The following PDE4D variants were observed in gnomAD, a reference collection of about 807,000 sequenced individuals.
PDE4D encodes 3',5'-cyclic-AMP phosphodiesterase 4D.
Under a neutral mutation model 87.4 loss-of-function variants are expected in PDE4D, and 24 were observed. The ratio of observed to expected loss-of-function variants is 0.27; its 90% CI spans 0.20 to 0.39. The LOEUF (loss-of-function observed/expected upper bound fraction) is 0.39, where lower values mean the gene tolerates loss of function less well. PDE4D is among the 10% of genes least tolerant of loss of function. PDE4D has a pLI of 1.00. For missense variants in PDE4D, 714 were observed against 1,041.0 expected (o/e 0.69, Z 4.32); for synonymous variants, 384 against 383.2 (o/e 1.00, Z -0.02).
chr5:59,630,355 A>G (rs149567656), intron 1 of PDE4D, among the ~76,000 whole-genome samples: 1 of 152,186 alleles, frequency 6.6e-6, no homozygotes, highest in Non-Finnish European at 1.5e-5. Context: ...GGATACATCT[A>G]TTTCTTAAAG....
chr5:60,296,217 A>T (rs1753370705), intron 1 of PDE4D, among the ~76,000 whole-genome samples: 1 of 152,220 alleles, frequency 6.6e-6, no homozygotes. Flanking sequence ...TCTTCTGGGT[A>T]CAATGCTTAC....
At chr5:60,467,208 T>C (rs1411951678) in intron 1 of PDE4D, among the ~76,000 whole-genome samples, 3 of 151,822 alleles carry the variant, frequency 2.0e-5, no homozygotes, top group African/African-American at 7.3e-5. Context: ...CCCAGCTAAT[T>C]TTTGTATTCT....
intron 1 of PDE4D, among the ~76,000 whole-genome samples, chr5:59,785,651 C>T (rs935058621): frequency 7.2e-5 from 11 of 152,184 alleles, no homozygotes; most frequent in African/African-American, 2.7e-4. Context: ...CACCTCTAGA[C>T]AAAATAATTT....
At chr5:60,002,128 C>T (rs770436461) in intron 2 of PDE4D, among the ~76,000 whole-genome samples, 1 of 151,632 alleles carries the variant, frequency 6.6e-6, no homozygotes. Context: ...TAAAAAAAAT[C>T]CAACAAAATG....
chr5:60,485,395 C>CAA (rs3834830), intron 1 of PDE4D, among the ~76,000 whole-genome samples: 5 of 130,938 alleles, frequency 3.8e-5, no homozygotes, highest in African/African-American at 1.1e-4. Context: ...CAAAATTCAC[C>CAA]AAAAAAAAAA....
At chr5:60,262,124 C>G (rs1228471672) in intron 1 of PDE4D, among the ~76,000 whole-genome samples, 1 of 152,112 alleles carries the variant, frequency 6.6e-6, no homozygotes, top group Admixed American at 6.6e-5. Context: ...AGCCTACTAT[C>G]ACCTGGATTT....
chr5:59,869,612 TG>T (rs920368660), intron 1 of PDE4D, among the ~76,000 whole-genome samples: 15 of 152,106 alleles, frequency 9.9e-5, no homozygotes, highest in Non-Finnish European at 2.9e-5. Context: ...CAAGATGAGG[TG>T]GCCTTGCATC....
At chr5:60,171,692 G>C (rs1783442252) in intron 2 of PDE4D, among the ~76,000 whole-genome samples, 1 of 151,986 alleles carries the variant, frequency 6.6e-6, no homozygotes, top group African/African-American at 2.4e-5. Context: ...TGTTCAAAAG[G>C]TCATAAGGCC....
intron 1 of PDE4D, among the ~76,000 whole-genome samples, chr5:59,220,231 TA>T (rs112801959): frequency 0.12 from 18,249 of 150,324 alleles, 1,191 homozygotes; most frequent in Middle Eastern, 0.17. Flanking sequence ...GAAAACAGAG[TA>T]GAGGCTGAGC....
chr5:59,690,909 G>T (rs950740687), intron 1 of PDE4D, among the ~76,000 whole-genome samples: 1 of 152,132 alleles, frequency 6.6e-6, no homozygotes, highest in East Asian at 1.9e-4. Flanking sequence ...AGTGGGCAAA[G>T]GATATGAACA....
chr5:59,898,780 C>T (rs1167289716), intron 3 of PDE4D, among the ~76,000 whole-genome samples: 1 of 152,048 alleles, frequency 6.6e-6, no homozygotes, highest in Non-Finnish European at 1.5e-5. Context: ...ATTCAGTGTC[C>T]CCTAAAGGCA....
At chr5:59,243,704 C>T (rs914755044) in intron 1 of PDE4D, among the ~76,000 whole-genome samples, 4 of 151,902 alleles carry the variant, frequency 2.6e-5, no homozygotes, top group Non-Finnish European at 5.9e-5. Flanking sequence ...AGGTGATCTG[C>T]CTGCCTCAGC....
chr5:59,481,883 GA>G (rs1582807897), intron 1 of PDE4D, among the ~76,000 whole-genome samples: 1 of 151,778 alleles, frequency 6.6e-6, no homozygotes, highest in Non-Finnish European at 1.5e-5. Flanking sequence ...TATGCCGTAA[GA>G]TATTAGTAAA....
chr5:60,259,554 C>T (rs1749431506), intron 1 of PDE4D, among the ~76,000 whole-genome samples: 1 of 151,938 alleles, frequency 6.6e-6, no homozygotes, highest in African/African-American at 2.4e-5. Context: ...TCTTTATAAC[C>T]TTAGAAACTC....
chr5:59,118,623 T>A (rs1468000978), intron 5 of PDE4D, among the ~76,000 whole-genome samples: 1 of 152,238 alleles, frequency 6.6e-6, no homozygotes, highest in Non-Finnish European at 1.5e-5. Context: ...GGAGAGAGTT[T>A]ATTTACAATT....
rs139392453 is a variant in PDE4D, at chr5:59,664,299, G to A, written c.455+228869C>T. ...AGCCATATAATCAAGTTGTCATGTTGGTCTAGGCACCTACAATACAACTAG... is the reference window on the plus strand; with the variant it reads ...AGCCATATAATCAAGTTGTCATGTTAGTCTAGGCACCTACAATACAACTAG... On this transcript the variant is annotated intron_variant, in intron 1 of 14. Coordinates refer to ENST00000340635, the MANE Select transcript of PDE4D (RefSeq NM_001104631.2). Among the ~76,000 whole-genome samples the A allele has an allele frequency of 2.1e-3, 319 of 152,130 alleles. 1 individual carries two copies. The highest frequency in any genetic ancestry group is 7.3e-3 in the African/African-American group (304 of 41,506).
At chr5:59,222,787 G>T (rs930609109) in intron 1 of PDE4D, among the ~76,000 whole-genome samples, 1 of 152,190 alleles carries the variant, frequency 6.6e-6, no homozygotes, top group Non-Finnish European at 1.5e-5. Context: ...AGGGCAAGTT[G>T]CTGTATTTTC....
At chr5:59,917,921 A>T (rs560947609) in intron 3 of PDE4D, among the ~76,000 whole-genome samples, 15 of 152,176 alleles carry the variant, frequency 9.9e-5, no homozygotes, top group African/African-American at 3.6e-4. Flanking sequence ...CTTTTTACAA[A>T]CTGCTATAAA....
chr5:59,595,751 A>G lies in PDE4D; in HGVS notation c.455+297417T>C, dbSNP rs148470440. Among the ~76,000 whole-genome samples the G allele has an allele frequency of 9.1e-3, 1,389 of 152,166 alleles. 20 individuals carry two copies. The highest frequency in any genetic ancestry group is 0.031 in the African/African-American group (1,300 of 41,504). The stretch of plus-strand genomic sequence containing the variant: ...AGAGGGTATTCCTCTGGATGTTTCT[A>G]TTCTTAACTCTTTAGTTTTGATCCA... On this transcript the variant is annotated intron_variant, in intron 1 of 14. Transcript: ENST00000340635.
Sources: allele counts gnomAD v4.1 joint callset (sites outside exome capture counted in the v4.1 genomes callset), GRCh38; gene constraint gnomAD v4.1.1; transcripts MANE v1.5; gene names NCBI Gene and HGNC (gene_info 2026-07-23, HGNC 2026-07-21).